PCDHA5: variants seen among roughly 807,000 people sequenced by gnomAD.
The protein encoded by PCDHA5 is protocadherin alpha 5, also known as protocadherin alpha-5.
A neutral mutation model predicts 61.6 loss-of-function variants in PCDHA5; 43 were observed. That is an observed-to-expected ratio of 0.70 (90% CI 0.55 to 0.90). The LOEUF (loss-of-function observed/expected upper bound fraction) is 0.90, where lower values mean the gene tolerates loss of function less well. PCDHA5 is among the 40% of genes least tolerant of loss of function. PCDHA5 has a pLI of 0.00. For synonymous variants in PCDHA5, 627 were observed against 543.9 expected (o/e 1.15, Z -2.13); for missense variants, 1,298 against 1,222.7 (o/e 1.06, Z -0.92).
chr5:140,991,482 G>A (rs781952323), intron 3 of PCDHA5, among the ~76,000 whole-genome samples: 3 of 152,204 alleles, frequency 2.0e-5, no homozygotes, highest in Non-Finnish European at 4.4e-5. Flanking sequence ...CTGGAAGTCA[G>A]AAGTCCACAG....
chr5:140,879,675 G>A (rs141369145), intron 1 of PCDHA5, among the ~76,000 whole-genome samples: 1 of 152,360 alleles, frequency 6.6e-6, no homozygotes, highest in South Asian at 2.1e-4. Context: ...CAAACTGGGT[G>A]CTGTAAAACA....
intron 3 of PCDHA5, 56 bp downstream of exon 3, chr5:140,982,619 C>G (rs561557496): frequency 7.5e-6 from 12 of 1,589,654 alleles, no homozygotes; most frequent in Middle Eastern, 3.4e-4. Context: ...GATCAGATGA[C>G]CTACTTTTGT....
intron 1 of PCDHA5, among the ~76,000 whole-genome samples, chr5:140,840,970 A>G (rs1440529363): frequency 2.6e-5 from 4 of 152,082 alleles, no homozygotes; most frequent in African/African-American, 7.2e-5. Flanking sequence ...TTCCTTATGA[A>G]GAAGAAATCC....
intron 1 of PCDHA5, among the ~76,000 whole-genome samples, chr5:140,826,566 GT>G (rs1768969925): frequency 6.6e-6 from 1 of 152,130 alleles, no homozygotes; most frequent in Non-Finnish European, 1.5e-5. Flanking sequence ...TGAAGGAGGG[GT>G]TTAATCACTT....
chr5:140,873,989 T>C (rs1264143469), intron 1 of PCDHA5, among the ~76,000 whole-genome samples: 3 of 152,222 alleles, frequency 2.0e-5, no homozygotes, highest in African/African-American at 7.2e-5. Context: ...TTCCTTAGCA[T>C]GTATGGTACA....
At chr5:140,990,670 A>T (rs1172208113) in intron 3 of PCDHA5, among the ~76,000 whole-genome samples, 1 of 152,192 alleles carries the variant, frequency 6.6e-6, no homozygotes, top group Non-Finnish European at 1.5e-5. Flanking sequence ...CATTAGATGC[A>T]CACCAAGCTG....
chr5:140,925,254 A>G (rs1554202655), intron 1 of PCDHA5, among the ~76,000 whole-genome samples: 1 of 152,188 alleles, frequency 6.6e-6, no homozygotes, highest in African/African-American at 2.4e-5. Context: ...GGAAACTTTA[A>G]TTCTTGATCT....
At chr5:140,831,638 T>C (rs2150196472) in intron 1 of PCDHA5, among the ~76,000 whole-genome samples, 19 of 151,546 alleles carry the variant, frequency 1.3e-4, no homozygotes, top group African/African-American at 4.6e-4. Flanking sequence ...ACTAAGATTA[T>C]AGGTGTGAGC....
intron 1 of PCDHA5, chr5:140,848,580 G>A: frequency 6.3e-7 from 1 of 1,595,144 alleles, no homozygotes; most frequent in Non-Finnish European, 8.6e-7. Flanking sequence ...GGTGGGGAGC[G>A]GCCAGCTCCA....
At chr5:140,877,198 G>C (rs781787046) in intron 1 of PCDHA5, 26 of 1,613,712 alleles carry the variant, frequency 1.6e-5, no homozygotes, top group Non-Finnish European at 2.2e-5. Flanking sequence ...CGCAGGAGGC[G>C]CAGTTAGCGA....
At chr5:140,958,397 A>T (rs1306610051) in intron 1 of PCDHA5, among the ~76,000 whole-genome samples, 3 of 152,172 alleles carry the variant, frequency 2.0e-5, no homozygotes, top group African/African-American at 7.2e-5. Flanking sequence ...GTCATCAAAC[A>T]TTATCACTGA....
In PCDHA5 at chr5:141,010,449, C is replaced by G. The variant is rs764975082; in HGVS notation, c.*512C>G. 1.1e-6 allele frequency: 1 copy of G among 915,348 alleles called. No homozygotes were observed. Among genetic ancestry groups the G allele is most frequent in the East Asian group, 2.7e-5 (1 of 36,418 alleles). 56.7% of individuals were successfully genotyped at this position (915,348 alleles called of 1,614,324 possible). ...CAAGAAAACAAAGACAAATAAACAGCGGAAGTTATCAGTATGGAGGGGAAG... is the reference window on the plus strand; with the variant it reads ...CAAGAAAACAAAGACAAATAAACAGGGGAAGTTATCAGTATGGAGGGGAAG... On this transcript the variant is annotated 3_prime_UTR_variant, in exon 4 of 4. Transcript: ENST00000529859.
At chr5:140,891,022 G>C (rs2062905127) in intron 1 of PCDHA5, among the ~76,000 whole-genome samples, 1 of 151,804 alleles carries the variant, frequency 6.6e-6, no homozygotes, top group South Asian at 2.1e-4. Context: ...TTTTCTGAGG[G>C]TATAATCTTA....
rs116326633 is a variant in PCDHA5 at position 141,003,488 on chromosome 5, G to A, written c.2501-6139G>A. Reference sequence around the variant, plus strand: ...CACCACAGTCTCGCTAATTTTTATAGTTTTAGTAGAGATGGGGTTTCACCA... The same window carrying A: ...CACCACAGTCTCGCTAATTTTTATAATTTTAGTAGAGATGGGGTTTCACCA... On this transcript the variant is annotated intron_variant, in intron 3 of 3. Transcript: ENST00000529859. 8.1e-3 allele frequency among the ~76,000 whole-genome samples: 1,225 copies of A among 152,062 alleles called. 19 individuals are homozygous for A. The highest frequency in any genetic ancestry group is 0.028 in the African/African-American group (1,155 of 41,502).
Position 140,929,023 on chromosome 5 carries a change from C to G in PCDHA5, c.2353-49926C>G, listed in dbSNP as rs2085741813. On this transcript the variant is annotated intron_variant, in intron 1 of 3. Transcript: ENST00000529859. ...CGTGTGTACCAAGTTGCACCAGAGCCCAGGCTGTTGCGCTCAGAGCTGCTG... is the reference window on the plus strand; with the variant it reads ...CGTGTGTACCAAGTTGCACCAGAGCGCAGGCTGTTGCGCTCAGAGCTGCTG... 2.5e-6 allele frequency: 4 copies of G among 1,614,056 alleles called. No homozygotes were observed. The Admixed American group carries it at 6.7e-5, about 27-fold the overall frequency.
At position 140,841,557 on chromosome 5, in the gene PCDHA5, T is replaced by A. The variant is rs2150318209; in HGVS notation, c.2352+17430T>A. On this transcript the variant is annotated intron_variant, in intron 1 of 3. Coordinates refer to ENST00000529859, the MANE Select transcript of PCDHA5 (RefSeq NM_018908.3). The stretch of plus-strand genomic sequence containing the variant: ...CACCGGGACCTTCTGGAGGTAAGTC[T>A]GCAGAATGGCATTTTGTTTGTGAAT... The A allele has an allele frequency of 2.5e-6, 4 of 1,613,864 alleles. No individual in the cohort carries two copies. The East Asian group carries it at 8.9e-5, about 36-fold the overall frequency.
intron 1 of PCDHA5, chr5:140,842,971 G>T: frequency 6.3e-7 from 1 of 1,594,964 alleles, no homozygotes; most frequent in Non-Finnish European, 8.6e-7. Context: ...GCAACGTGAC[G>T]CTGCAGGTGT....
Position 140,841,611 on chromosome 5 carries a change from G to A in PCDHA5, c.2352+17484G>A, listed in dbSNP as rs2150319293. ...CGGATCGACCGCGAGGAGCTGTGCG[G>A]GCGGAGCGCGGAGTGCAGCATCCAC... On this transcript the variant is annotated intron_variant, in intron 1 of 3. Transcript: ENST00000529859. 6 of 1,614,136 alleles carry A rather than the reference G, an allele frequency of 3.7e-6. No individual in the cohort carries two copies. The highest frequency in any genetic ancestry group is 4.2e-6 in the Non-Finnish European group (5 of 1,180,014).
chr5:140,825,122 C>T (rs1554130144), intron 1 of PCDHA5: 1 of 151,522 alleles, frequency 6.6e-6, no homozygotes, highest in African/African-American at 2.4e-5. Context: ...ACTTCCCTAC[C>T]CCCTTAAAAA....
Sources: allele counts gnomAD v4.1 joint callset (sites outside exome capture counted in the v4.1 genomes callset), GRCh38; gene constraint gnomAD v4.1.1; transcripts MANE v1.5; gene names NCBI Gene and HGNC (gene_info 2026-07-23, HGNC 2026-07-21).